RBM10: variants seen among roughly 807,000 people sequenced by gnomAD.
RBM10 encodes the protein RNA-binding protein 10.
A neutral mutation model predicts 84.9 loss-of-function variants in RBM10; 1 was observed. The ratio of observed to expected loss-of-function variants is 0.01; its 90% confidence interval spans 0.00 to 0.06. RBM10 has a LOEUF of 0.06. Ranked by LOEUF, RBM10 falls within the 10% of genes least tolerant of loss-of-function variation. RBM10 has a pLI of 1.00. For synonymous variants in RBM10, 326 were observed against 344.5 expected (o/e 0.95, Z 0.60); for missense variants, 438 against 839.0 (o/e 0.52, Z 5.90).
At chrX:47,154,513 G>A (rs1258764153) in intron 2 of RBM10, among the ~76,000 whole-genome samples, 1 of 108,420 alleles carries the variant, frequency 9.2e-6, no homozygotes, top group Non-Finnish European at 1.9e-5. Context: ...GTTCAGTGGT[G>A]CGATCTTGGC....
intron 17 of RBM10, among the ~76,000 whole-genome samples, chrX:47,184,543 A>G (rs1411984314): frequency 8.9e-6 from 1 of 112,152 alleles, no homozygotes. Flanking sequence ...GGGCTTGGCA[A>G]GAAGCACTGG....
chrX:47,177,707 C>A (rs1935240774), intron 7 of RBM10, among the ~76,000 whole-genome samples: 2 of 110,454 alleles, frequency 1.8e-5, no homozygotes, highest in African/African-American at 6.6e-5. Flanking sequence ...CTGTCTCCAG[C>A]GCTCAAGCCA....
intron 6 of RBM10, among the ~76,000 whole-genome samples, chrX:47,175,454 G>A: frequency 9.0e-6 from 1 of 110,918 alleles, no homozygotes; most frequent in East Asian, 2.9e-4. Flanking sequence ...GGGTTAGCCA[G>A]AGCCAGGACC....
At chrX:47,152,772 TAGAC>T (rs1274074978) in intron 2 of RBM10, among the ~76,000 whole-genome samples, 4 of 73,365 alleles carry the variant, frequency 5.5e-5, no homozygotes, top group African/African-American at 2.9e-4. Context: ...TATCTTTACA[TAGAC>T]ACACACACAC....
intron 2 of RBM10, among the ~76,000 whole-genome samples, chrX:47,161,591 C>T (rs1412307766): frequency 2.1e-5 from 2 of 95,158 alleles, no homozygotes; most frequent in South Asian, 4.9e-4. Flanking sequence ...GGTGCAGTGG[C>T]GCGATCATGG....
chrX:47,149,160 G>A (rs1162471169), intron 2 of RBM10, among the ~76,000 whole-genome samples: 1 of 111,103 alleles, frequency 9.0e-6, no homozygotes, highest in Non-Finnish European at 1.9e-5. Flanking sequence ...CCTGAACTTT[G>A]TATTACTCAG....
At chrX:47,161,959 C>T (rs782767057) in intron 2 of RBM10, among the ~76,000 whole-genome samples, 3 of 111,699 alleles carry the variant, frequency 2.7e-5, no homozygotes, top group South Asian at 3.7e-4. Context: ...TCTCCTGCCT[C>T]AGCCTCCTGA....
intron 2 of RBM10, among the ~76,000 whole-genome samples, chrX:47,148,667 A>G (rs1196706762): frequency 8.5e-5 from 5 of 58,798 alleles, no homozygotes; most frequent in Non-Finnish European, 1.3e-4. Flanking sequence ...TCTATGATAC[A>G]TATCATAGAA....
chrX:47,149,179 G>GT (rs782565513), intron 2 of RBM10, among the ~76,000 whole-genome samples: 1 of 110,381 alleles, frequency 9.1e-6, no homozygotes, highest in East Asian at 2.8e-4. Context: ...AGAGTGGGAG[G>GT]TTTTTTTTGT....
chrX:47,179,169 G>T lies in RBM10; in HGVS notation c.724+6G>T. 1 of 1,208,715 alleles carries T rather than the reference G, an allele frequency of 8.3e-7. No homozygotes were observed. On this transcript the variant is annotated splice_donor_region_variant and intron_variant, in intron 8 of 23. Transcript: ENST00000377604. ...ATGTGGCGTGCCCAAGTCAGGTGAG[G>T]CCCACCTACCTCTCGTGCTCTCCAG...
intron 2 of RBM10, among the ~76,000 whole-genome samples, chrX:47,161,840 GT>G (rs1252193439): frequency 9.1e-6 from 1 of 109,654 alleles, no homozygotes; most frequent in Non-Finnish European, 1.9e-5. Flanking sequence ...CTTATCCTTT[GT>G]TTTTTGTTTT....
At chrX:47,176,714 GTCTCTC>G (rs59489451) in intron 7 of RBM10, 128 bp downstream of exon 7, 214 of 946,061 alleles carry the variant, frequency 2.3e-4, no homozygotes, top group Middle Eastern at 1.0e-3. Flanking sequence ...CTCTCCCTCT[GTCTCTC>G]TCTCTCTCTC....
intron 7 of RBM10, 31 bp from the exon 8 acceptor site, chrX:47,179,072 T>C (rs2147163977): frequency 8.3e-7 from 1 of 1,200,702 alleles, no homozygotes. Flanking sequence ...AAATCCCTGC[T>C]CCCTCTGACG....
rs2147142640 is a variant in RBM10 at position 47,173,160 on chromosome X, A to T, written c.465A>T (p.Gln155His). Residue 155 changes from glutamine (Q) to histidine (H), a missense_variant, in exon 5 of 24, where the codon CAA becomes CAT. By Grantham distance (24) the Gln-to-His change is conservative. Coordinates refer to ENST00000377604, the MANE Select transcript of RBM10 (RefSeq NM_005676.5). Reference protein sequence around the residue: ...IRGQLQSHGVQAREVRLMRNK... With the variant: ...IRGQLQSHGVHAREVRLMRNK... ...GCCAGCTGCAGTCGCACGGCGTGCA[A>T]GCACGGGAGGTTCGGCTGATGCGGA... is the stretch of plus-strand genomic sequence containing the variant. 1 of 1,212,237 alleles carries T rather than the reference A, an allele frequency of 8.2e-7. No individual in the cohort carries two copies. The highest frequency in any genetic ancestry group is 3.0e-5 in the East Asian group (1 of 33,848).
chrX:47,155,321 G>T (rs1220903231), intron 2 of RBM10, among the ~76,000 whole-genome samples: 1 of 110,946 alleles, frequency 9.0e-6, no homozygotes, highest in East Asian at 2.8e-4. Context: ...TAAAAAAATG[G>T]AAGTCAACCA....
intron 2 of RBM10, among the ~76,000 whole-genome samples, chrX:47,167,466 C>T (rs559539042): frequency 1.9e-5 from 2 of 107,847 alleles, no homozygotes; most frequent in South Asian, 8.2e-4. Context: ...CGGGTTCAAG[C>T]GATTCTCCTG....
chrX:47,150,064 CGCCT>C (rs1381393390), intron 2 of RBM10, among the ~76,000 whole-genome samples: 2 of 110,946 alleles, frequency 1.8e-5, no homozygotes, highest in African/African-American at 3.3e-5. Context: ...TCAGGTGATC[CGCCT>C]GCCTCGGCCT....
At position 47,155,934 on chromosome X, in the gene RBM10, C is replaced by T. The variant is rs782323476; in HGVS notation, c.17+8436C>T. 6.7e-5 allele frequency among the ~76,000 whole-genome samples: 7 copies of T among 104,728 alleles called. No individual in the cohort carries two copies. In the East Asian group the frequency reaches 1.9e-3, roughly 28 times the overall value. 90.9% of individuals were successfully genotyped at this position (104,728 alleles called of 115,157 possible). A position where few individuals can be genotyped will look rare whatever the true frequency, so the allele number is the denominator to read the frequency against. On this transcript the variant is annotated intron_variant, in intron 2 of 23. Coordinates refer to ENST00000377604, the MANE Select transcript of RBM10 (RefSeq NM_005676.5). ...AAGTGATTCTCCTGCCTCAGCCTCC[C>T]GAGTAGCTAGGATTACAGGCACGCG...
chrX:47,163,855 G>T (rs1448050341), intron 2 of RBM10, among the ~76,000 whole-genome samples: 1 of 76,881 alleles, frequency 1.3e-5, no homozygotes, highest in East Asian at 4.1e-4. Flanking sequence ...ACCACGCCTG[G>T]CTAATTTTTT....
Sources: gnomAD v4.1 joint callset for allele counts (sites outside exome capture counted in the v4.1 genomes callset) on GRCh38, gnomAD v4.1.1 for gene constraint, MANE v1.5 for transcripts, NCBI Gene and HGNC (gene_info 2026-07-23, HGNC 2026-07-21) for gene names.